Variants in CNTN1 observed in about 807,000 individuals in gnomAD.
CNTN1 encodes the protein contactin 1.
A neutral mutation model predicts 126.4 loss-of-function variants in CNTN1; 38 were observed. The ratio of observed to expected loss-of-function variants is 0.30; its 90% CI spans 0.23 to 0.39. The LOEUF (loss-of-function observed/expected upper bound fraction) is 0.39, where lower values mean the gene tolerates loss of function less well. Ranked by LOEUF, CNTN1 falls within the 10% of genes least tolerant of loss-of-function variation. The pLI, the probability that CNTN1 is intolerant of heterozygous loss-of-function variation, is 1.00. For missense variants in CNTN1, 1,009 were observed against 1,248.4 expected, an observed-to-expected ratio of 0.81 and a Z score of 2.89; for synonymous variants, 413 against 422.6, an observed-to-expected ratio of 0.98 and a Z score of 0.28.
rs934775450 is a variant in CNTN1, at chr12:41,042,828, C to T, written c.2980+13609C>T. ...TATAGATCAATGGAACAGAACAGAG[C>T]CCTCAGAAATAATGCCGCATATCTA... On this transcript the variant is annotated intron_variant, in intron 23 of 23. Coordinates refer to ENST00000551295, the MANE Select transcript of CNTN1 (RefSeq NM_001843.4). Among the ~76,000 whole-genome samples, 6 of 152,034 alleles carry T rather than the reference C, an allele frequency of 3.9e-5. No individual in the cohort carries two copies. In the East Asian group the frequency reaches 1.2e-3, roughly 29 times the overall value.
At chr12:40,792,950 TG>T (rs1198201701) in intron 1 of CNTN1, among the ~76,000 whole-genome samples, 1 of 152,004 alleles carries the variant, frequency 6.6e-6, no homozygotes, top group South Asian at 2.1e-4. Flanking sequence ...CTTCCCTTTG[TG>T]GGGGGAGATT....
chr12:40,820,167 A>G (rs761699711), intron 1 of CNTN1, among the ~76,000 whole-genome samples: 5 of 152,174 alleles, frequency 3.3e-5, no homozygotes, highest in Non-Finnish European at 5.9e-5. Flanking sequence ...ATGACATGGT[A>G]AGAGAGGAAG....
rs370804557 is a variant in CNTN1 at position 40,704,639 on chromosome 12, C to T, written c.-77+12047C>T. ...ACTACCTTGCTTATTTTTATAAACA[C>T]GTATGGTTTCCTGTTTGTATACAAT... is the stretch of plus-strand genomic sequence containing the variant. On this transcript the variant is annotated intron_variant, in intron 1 of 23. Coordinates refer to ENST00000551295, the MANE Select transcript of CNTN1 (RefSeq NM_001843.4). Among the ~76,000 whole-genome samples, 6 of 152,134 alleles carry T rather than the reference C, an allele frequency of 3.9e-5. No homozygotes were observed. In the South Asian group the frequency reaches 6.2e-4, roughly 16 times the overall value.
chr12:40,888,267 A>T (rs977033822), intron 1 of CNTN1, among the ~76,000 whole-genome samples: 4 of 152,276 alleles, frequency 2.6e-5, no homozygotes, highest in Non-Finnish European at 5.9e-5. Flanking sequence ...ATTCACTGTT[A>T]CGGACTTTTT....
chr12:41,029,295 G>A, intron 23 of CNTN1, 76 bp downstream of exon 23: 3 of 1,476,896 alleles, frequency 2.0e-6, no homozygotes, highest in Non-Finnish European at 2.8e-6. Context: ...CAAGGGTAGG[G>A]ATAAGCCTGA....
chr12:40,706,564 C>T (rs73110807), intron 1 of CNTN1, among the ~76,000 whole-genome samples: 1,880 of 152,134 alleles, frequency 0.012, 30 homozygotes, highest in African/African-American at 0.043. Context: ...TCTTCAATGC[C>T]TAGAACACTG....
intron 16 of CNTN1, among the ~76,000 whole-genome samples, chr12:40,985,345 T>G (rs1363094461): frequency 6.6e-6 from 1 of 152,096 alleles, no homozygotes; most frequent in Non-Finnish European, 1.5e-5. Flanking sequence ...GTAAAACTCT[T>G]TTTTTATCTG....
At chr12:40,869,394 A>T (rs1565860274) in intron 1 of CNTN1, among the ~76,000 whole-genome samples, 3 of 151,684 alleles carry the variant, frequency 2.0e-5, no homozygotes, top group Non-Finnish European at 2.9e-5. Context: ...CAGTCGCCAG[A>T]GTAAGTTTGG....
At chr12:40,947,023 A>C (rs1035600654) in intron 14 of CNTN1, among the ~76,000 whole-genome samples, 1 of 152,024 alleles carries the variant, frequency 6.6e-6, no homozygotes, top group Non-Finnish European at 1.5e-5. Flanking sequence ...AAAGATGTAT[A>C]TTTCTTTTAA....
At chr12:40,745,689 T>C (rs139429929) in intron 1 of CNTN1, among the ~76,000 whole-genome samples, 1 of 152,254 alleles carries the variant, frequency 6.6e-6, no homozygotes, top group East Asian at 1.9e-4. Context: ...GGAAAAGGCC[T>C]GGAAAAGGGC....
intron 1 of CNTN1, among the ~76,000 whole-genome samples, chr12:40,884,153 C>T (rs1943957001): frequency 6.6e-6 from 1 of 151,466 alleles, no homozygotes; most frequent in African/African-American, 2.4e-5. Context: ...GTTTAATCCA[C>T]TTATATTTAT....
intron 18 of CNTN1, 69 bp from the exon 19 acceptor site, chr12:41,016,613 A>C: frequency 2.1e-6 from 2 of 959,840 alleles, no homozygotes; most frequent in South Asian, 2.6e-5. Context: ...GTGTGTCATT[A>C]TCCCCATAGC....
chr12:40,845,176 T>C (rs1942454697), intron 1 of CNTN1, among the ~76,000 whole-genome samples: 1 of 152,200 alleles, frequency 6.6e-6, no homozygotes, highest in African/African-American at 2.4e-5. Flanking sequence ...GTTATATTAT[T>C]AAAAACAGAA....
chr12:41,036,869 G>T (rs775755518), intron 23 of CNTN1, among the ~76,000 whole-genome samples: 28 of 152,102 alleles, frequency 1.8e-4, no homozygotes, highest in South Asian at 4.1e-4. Context: ...CATCTAAACA[G>T]CAATGCCTGC....
At chr12:40,993,013 C>T (rs1948129378) in intron 16 of CNTN1, 107 bp from the exon 17 acceptor site, 1 of 976,110 alleles carries the variant, frequency 1.0e-6, no homozygotes, top group Middle Eastern at 2.7e-4. Flanking sequence ...TACTTCAACT[C>T]AGTGTAATAT....
intron 1 of CNTN1, among the ~76,000 whole-genome samples, chr12:40,774,698 T>C (rs531217575): frequency 4.2e-4 from 64 of 151,688 alleles, no homozygotes; most frequent in African/African-American, 1.4e-3. Context: ...ATATATAATT[T>C]AGCTATTATT....
At position 41,069,108 on chromosome 12, in the gene CNTN1, T is replaced by A. The variant is rs192001334; in HGVS notation, c.2981-851T>A. 5.2e-3 allele frequency among the ~76,000 whole-genome samples: 785 copies of A among 152,334 alleles called. 2 individuals carry two copies. Among genetic ancestry groups the A allele is most frequent in the Middle Eastern group, 0.044 (13 of 294 alleles). ...TACAATAGTTTCTCAAAAATTCTCA[T>A]GTCGGCAGGACACGGACCCATAAAC... On this transcript the variant is annotated intron_variant, in intron 23 of 23. Transcript: ENST00000551295.
chr12:40,997,261 G>A (rs1423064332), intron 17 of CNTN1, among the ~76,000 whole-genome samples: 1 of 152,220 alleles, frequency 6.6e-6, no homozygotes, highest in Non-Finnish European at 1.5e-5. Flanking sequence ...TTCAGTTGGT[G>A]AGTCCACATC....
chr12:41,001,251 A>G (rs1206190182), intron 17 of CNTN1, among the ~76,000 whole-genome samples: 1 of 152,082 alleles, frequency 6.6e-6, no homozygotes, highest in African/African-American at 2.4e-5. Flanking sequence ...TTTCTCCACA[A>G]CTTTGCCAGC....
Sources: gnomAD v4.1 joint callset for allele counts (sites outside exome capture counted in the v4.1 genomes callset) on GRCh38, gnomAD v4.1.1 for gene constraint, MANE v1.5 for transcripts, NCBI Gene and HGNC (gene_info 2026-07-23, HGNC 2026-07-21) for gene names.